The following NUP62 variants were observed in gnomAD, a reference collection of about 807,000 sequenced individuals.
NUP62 encodes the protein nucleoporin 62.
For synonymous variants in NUP62, 305 were observed against 303.4 expected (o/e 1.01, Z -0.05); for missense variants, 647 against 689.4 (o/e 0.94, Z 0.69).
At chr19:49,910,410 C>T (rs539256915) in intron 2 of NUP62, among the ~76,000 whole-genome samples, 1 of 152,102 alleles carries the variant, frequency 6.6e-6, no homozygotes, top group Non-Finnish European at 1.5e-5. Flanking sequence ...CCCAGGCCCA[C>T]ACCTGCACTC....
In NUP62 at chr19:49,909,289, A is replaced by C; in HGVS notation, c.519T>G (p.Ile173Met). ...GCTGGGCTGAATTCCCTGCTGAGCCAATGTTGAAACCGGAGGGTTGGGCCG... is the reference window on the plus strand; with the variant it reads ...GCTGGGCTGAATTCCCTGCTGAGCCCATGTTGAAACCGGAGGGTTGGGCCG... ...GSTAQPSGFN[I>M]GSAGNSAQPT... The change falls in exon 3 of 3, where the codon ATT (isoleucine) becomes ATG (methionine). Residue 173 changes from isoleucine (I) to methionine (M), a missense_variant. Physicochemically the swap from Ile to Met is conservative, Grantham distance 10. Transcript: ENST00000352066. 6.2e-7 allele frequency: 1 copy of C among 1,614,054 alleles called. No homozygotes were observed. The highest frequency in any genetic ancestry group is 1.3e-5 in the African/African-American group (1 of 75,006).
In NUP62 at chr19:49,908,125, T is replaced by TGAAA; in HGVS notation, c.*110_*113dup. The TGAAA allele has an allele frequency of 6.6e-7, 1 of 1,519,190 alleles. No individual in the cohort carries two copies. The highest frequency in any genetic ancestry group is 8.8e-7 in the Non-Finnish European group (1 of 1,136,446). 94.1% of individuals were successfully genotyped at this position (1,519,190 alleles called of 1,614,324 possible). A position where few individuals can be genotyped will look rare whatever the true frequency, so the allele number is the denominator to read the frequency against. ...AGCGATCATGTCAAGGGCAGTCATG[T>TGAAA]GAAAGAAAGAAACAAACAAACAAGT... On this transcript the variant is annotated 3_prime_UTR_variant, in exon 3 of 3. Coordinates refer to ENST00000352066, the MANE Select transcript of NUP62 (RefSeq NM_016553.5).
chr19:49,921,560 C>A lies in NUP62; in HGVS notation c.-78+6134G>T, dbSNP rs1237654853. ...CGTCCGCTGCTCGCCAACCCCCATA[C>A]GTTCCTGCTCTGTGGTAGGTCAGGA... On this transcript the variant is annotated intron_variant, in intron 2 of 2. Coordinates refer to ENST00000352066, the MANE Select transcript of NUP62 (RefSeq NM_016553.5). This position sits in a 1 kb window ranked among gnomAD's most constrained non-coding sequence, Gnocchi z 5.4. Among the ~76,000 whole-genome samples the A allele has an allele frequency of 6.6e-6, 1 of 152,210 alleles. No homozygotes were observed. The highest frequency in any genetic ancestry group is 1.5e-5 in the Non-Finnish European group (1 of 68,036).
chr19:49,916,733 C>T (rs1326330476), intron 2 of NUP62, among the ~76,000 whole-genome samples: 3 of 151,710 alleles, frequency 2.0e-5, no homozygotes, highest in Non-Finnish European at 4.4e-5. Context: ...CACTGCACTC[C>T]AGCCTGGGAG....
Position 49,919,914 on chromosome 19 carries a change from C to T in NUP62, c.-78+7780G>A, listed in dbSNP as rs1279063341. Among the ~76,000 whole-genome samples the T allele has an allele frequency of 3.3e-5, 5 of 152,162 alleles. No individual in the cohort carries two copies. In the East Asian group the frequency reaches 9.6e-4, roughly 29 times the overall value. ...GTATTGAAAGTTTTTTCCCCTCTAC[C>T]TACTGCATTAAAAAAAAATTTTTTT... On this transcript the variant is annotated intron_variant, in intron 2 of 2. Coordinates refer to ENST00000352066, the MANE Select transcript of NUP62 (RefSeq NM_016553.5).
At chr19:49,909,915 G>A (rs1271126196) in intron 2 of NUP62, 31 bp from the exon 3 acceptor site, 5 of 1,279,722 alleles carry the variant, frequency 3.9e-6, no homozygotes, top group Non-Finnish European at 5.6e-6. Flanking sequence ...TTGTCAGATG[G>A]CAGTTTTGGA....
rs1402669534 is a variant in NUP62, at chr19:49,907,355, C to G, written c.*884G>C. ...CAGGCAAAAGGCAGGCCTCTCGGCG[C>G]CCATCTGTGGTTCCTCAACACCCTG... On this transcript the variant is annotated 3_prime_UTR_variant, in exon 3 of 3. Transcript: ENST00000352066. 1 of 315,718 alleles carries G rather than the reference C, an allele frequency of 3.2e-6. No individual in the cohort carries two copies. Among genetic ancestry groups the G allele is most frequent in the Admixed American group, 4.8e-5 (1 of 20,972 alleles). The allele number at this position is 315,718 out of a possible 1,614,324, so 19.6% of individuals were successfully genotyped here. A position where few individuals can be genotyped will look rare whatever the true frequency, so the allele number is the denominator to read the frequency against.
At chr19:49,914,923 A>G (rs2075586369) in intron 2 of NUP62, among the ~76,000 whole-genome samples, 1 of 151,296 alleles carries the variant, frequency 6.6e-6, no homozygotes, top group African/African-American at 2.4e-5. Flanking sequence ...TATTTTTAGT[A>G]GAGACGGGGT....
chr19:49,910,690 A>G (rs1162013095), intron 2 of NUP62, among the ~76,000 whole-genome samples: 1 of 134,458 alleles, frequency 7.4e-6, no homozygotes, highest in Non-Finnish European at 1.6e-5. Flanking sequence ...ACATCACGGG[A>G]GACCATGAGC....
At chr19:49,918,980 T>C (rs1306809508) in intron 2 of NUP62, among the ~76,000 whole-genome samples, 1 of 147,718 alleles carries the variant, frequency 6.8e-6, no homozygotes, top group African/African-American at 2.5e-5. Context: ...AGAAACCCCA[T>C]CTCTACAAAA....
rs1264925278 is a variant in NUP62, at chr19:49,909,097, G to C, written c.711C>G (p.Leu237=). ...TAPTSSATTG[L]SLCTPVTTAG... Reference sequence around the variant, plus strand: ...CTGTGGTCACAGGGGTACAGAGGGAGAGTCCAGTGGTGGCAGATGAGGTTG... The same window carrying C: ...CTGTGGTCACAGGGGTACAGAGGGACAGTCCAGTGGTGGCAGATGAGGTTG... The change falls in exon 3 of 3, where the codon CTC becomes CTG. Residue 237 remains leucine, a synonymous_variant. Transcript: ENST00000352066. 6.2e-6 allele frequency: 10 copies of C among 1,612,438 alleles called. No individual in the cohort carries two copies. The highest frequency in any genetic ancestry group is 8.5e-6 in the Non-Finnish European group (10 of 1,180,028).
rs746120885 is a variant in NUP62 at position 49,908,683 on chromosome 19, C to G, written c.1125G>C (p.Leu375=). The G allele has an allele frequency of 6.2e-7, 1 of 1,612,136 alleles. No homozygotes were observed. The highest frequency in any genetic ancestry group is 8.5e-7 in the Non-Finnish European group (1 of 1,180,028). ...LIENGEKITS[L]HREVEKVKLD... Reference sequence around the variant, plus strand: ...GCTTCACCTTCTCCACCTCGCGGTGCAGGCTGGTGATCTTTTCTCCATTCT... The same window carrying G: ...GCTTCACCTTCTCCACCTCGCGGTGGAGGCTGGTGATCTTTTCTCCATTCT... Residue 375 remains leucine, a synonymous_variant, in exon 3 of 3, where the codon CTG becomes CTC. Transcript: ENST00000352066.
intron 2 of NUP62, among the ~76,000 whole-genome samples, chr19:49,912,432 G>C (rs1052232132): frequency 2.0e-5 from 3 of 152,108 alleles, no homozygotes; most frequent in Non-Finnish European, 4.4e-5. Context: ...GCCTCCCAAA[G>C]TGTTGGGATT....
intron 2 of NUP62, among the ~76,000 whole-genome samples, chr19:49,911,522 G>C (rs959213165): frequency 6.6e-6 from 1 of 152,138 alleles, no homozygotes; most frequent in Non-Finnish European, 1.5e-5. Flanking sequence ...CTTCCAGCTT[G>C]AGTAAGAGGC....
chr19:49,918,899 G>GGC lies in NUP62; in HGVS notation c.-78+8794_-78+8795insGC, dbSNP rs1299533948. On this transcript the variant is annotated intron_variant, in intron 2 of 2. Coordinates refer to ENST00000352066, the MANE Select transcript of NUP62 (RefSeq NM_016553.5). ...AATCCCAGCACTTTGGGAGGCTGGG[G>GGC]GGGGGGGGGCGGGGTGTGGGGGGGC... Among the ~76,000 whole-genome samples, 32 of 129,690 alleles carry GGC rather than the reference G, an allele frequency of 2.5e-4. 1 individual carries two copies. Among genetic ancestry groups the GGC allele is most frequent in the African/African-American group, 1.1e-3 (32 of 29,918 alleles). 85.1% of individuals were successfully genotyped at this position (129,690 alleles called of 152,430 possible). A position where few individuals can be genotyped will look rare whatever the true frequency, so the allele number is the denominator to read the frequency against.
intron 2 of NUP62, among the ~76,000 whole-genome samples, chr19:49,912,376 C>T (rs573284366): frequency 1.3e-5 from 2 of 152,210 alleles, no homozygotes; most frequent in South Asian, 2.1e-4. Context: ...TCCATGTTGG[C>T]CAGGCTGGTC....
At chr19:49,922,050 GACA>G (rs1411914837) in intron 2 of NUP62, among the ~76,000 whole-genome samples, 2 of 152,164 alleles carry the variant, frequency 1.3e-5, no homozygotes, top group African/African-American at 2.4e-5. Flanking sequence ...CCTCAACACA[GACA>G]ACATGATGTC....
intron 2 of NUP62, among the ~76,000 whole-genome samples, chr19:49,914,563 C>T (rs753426164): frequency 1.3e-4 from 20 of 151,958 alleles, no homozygotes; most frequent in African/African-American, 3.4e-4. Context: ...CCTGGGAACC[C>T]GGAGGAAGAC....
At chr19:49,918,839 T>C (rs1019826530) in intron 2 of NUP62, among the ~76,000 whole-genome samples, 2 of 121,504 alleles carry the variant, frequency 1.6e-5, no homozygotes, top group African/African-American at 6.2e-5. Flanking sequence ...TTTAAAGACA[T>C]AAAAGCTAGG....
Sources: allele counts gnomAD v4.1 joint callset (sites outside exome capture counted in the v4.1 genomes callset), GRCh38; gene constraint gnomAD v4.1.1; non-coding constraint Gnocchi (gnomAD v3.1); transcripts MANE v1.5; gene names NCBI Gene and HGNC (gene_info 2026-07-23, HGNC 2026-07-21).